The following FOXI3 variants were observed in gnomAD, a reference collection of about 807,000 sequenced individuals.
FOXI3 encodes forkhead box I3, also known as forkhead box protein I3.
Under a neutral mutation model 15.6 loss-of-function variants are expected in FOXI3, and 4 were observed. The ratio of observed to expected loss-of-function variants is 0.26; its 90% CI spans 0.13 to 0.59. FOXI3 has a LOEUF of 0.59. Among genes scored for constraint, FOXI3 ranks in the 20% least tolerant of loss-of-function variants. FOXI3 has a pLI of 0.90. For synonymous variants in FOXI3, 238 were observed against 244.4 expected, an observed-to-expected ratio of 0.97 and a Z score of 0.25; for missense variants, 489 against 548.2, an observed-to-expected ratio of 0.89 and a Z score of 1.08.
Position 88,452,541 on chromosome 2 carries a change from C to A in FOXI3, c.-6G>T, listed in dbSNP as rs1274495771. 2.8e-6 allele frequency: 3 copies of A among 1,085,930 alleles called. No homozygotes were observed. The highest frequency in any genetic ancestry group is 5.3e-5 in the Admixed American group (1 of 18,882). 67.3% of individuals were successfully genotyped at this position (1,085,930 alleles called of 1,614,324 possible). On this transcript the variant is annotated 5_prime_UTR_variant, in exon 1 of 2. Coordinates refer to ENST00000428390, the MANE Select transcript of FOXI3 (RefSeq NM_001135649.3). ...TCGCCGCAGTAGAGGGCCATGTCGGCGGCCGTGGGCGGCTGCGGCGCGGCC... is the reference window on the plus strand; with the variant it reads ...TCGCCGCAGTAGAGGGCCATGTCGGAGGCCGTGGGCGGCTGCGGCGCGGCC...
At position 88,452,046 on chromosome 2, in the gene FOXI3, G is replaced by A. The variant is rs745690703; in HGVS notation, c.490C>T (p.Arg164Cys). 2.5e-6 allele frequency: 4 copies of A among 1,591,810 alleles called. No individual in the cohort carries two copies. The highest frequency in any genetic ancestry group is 2.7e-5 in the African/African-American group (2 of 74,306). The change falls in exon 1 of 2, where the codon CGC becomes TGC. Residue 164 changes from arginine (R) to cysteine (C), a missense_variant. Around this residue, in one of 3 missense-constraint regions of FOXI3, gnomAD observed 224 missense variants for 245.7 expected, o/e 0.91. Transcript: ENST00000428390. ...IAMAIQSAPE[R>C]KLTLSHIYQF... Reference sequence around the variant, plus strand: ...TAGATGTGGCTGAGAGTGAGTTTGCGCTCGGGCGCGCTCTGAATGGCCATG... The same window carrying A: ...TAGATGTGGCTGAGAGTGAGTTTGCACTCGGGCGCGCTCTGAATGGCCATG...
intron 1 of FOXI3, 73 bp from the exon 2 acceptor site, chr2:88,448,902 G>C: frequency 2.1e-6 from 3 of 1,451,998 alleles, no homozygotes; most frequent in Non-Finnish European, 2.8e-6. Context: ...ATTTCTGGGA[G>C]GAGAGCAGAC....
Position 88,447,212 on chromosome 2 carries a change from G to A in FOXI3, c.*995C>T, listed in dbSNP as rs957967387. The A allele has an allele frequency of 2.0e-5, 3 of 152,184 alleles. No homozygotes were observed. Among genetic ancestry groups the A allele is most frequent in the Admixed American group, 6.5e-5 (1 of 15,276 alleles). 9.4% of individuals were successfully genotyped at this position (152,184 alleles called of 1,614,324 possible). A position where few individuals can be genotyped will look rare whatever the true frequency, so the allele number is the denominator to read the frequency against. ...GCCGAGAACAGTGCCTGGCACACAA[G>A]GCTGCTTGTGCCATTTTATTGCCAT... On this transcript the variant is annotated 3_prime_UTR_variant, in exon 2 of 2. Coordinates refer to ENST00000428390, the MANE Select transcript of FOXI3 (RefSeq NM_001135649.3).
rs979497342 is a variant in FOXI3, at chr2:88,448,501, A to G, written c.969T>C (p.Ser323=). 6.4e-7 allele frequency: 1 copy of G among 1,551,486 alleles called. No individual in the cohort carries two copies. The change falls in exon 2 of 2, where the codon AGT becomes AGC. Residue 323 remains serine, a synonymous_variant. Transcript: ENST00000428390. ...NTFFSSLSSL[S]VSSSVSTQRA... is the part of the protein sequence containing the mutation. Reference sequence around the variant, plus strand: ...GCTGGGTACTCACACTGCTGCTGACACTCAAGGAGCTGAGGCTGCTGAAGA... The same window carrying G: ...GCTGGGTACTCACACTGCTGCTGACGCTCAAGGAGCTGAGGCTGCTGAAGA...
In FOXI3 at chr2:88,452,236, G is replaced by T; in HGVS notation, c.300C>A (p.Gly100=). 1 of 1,073,426 alleles carries T rather than the reference G, an allele frequency of 9.3e-7. No homozygotes were observed. Among genetic ancestry groups the T allele is most frequent in the Non-Finnish European group, 1.1e-6 (1 of 889,644 alleles). 66.5% of individuals were successfully genotyped at this position (1,073,426 alleles called of 1,614,324 possible). ...AGGGCCGCTGAGAGCAGCCGAAGGT[G>T]CCGGCGGCAGGCGGTGGCTGCAGAA... ...GPFLQPPPAA[G]TFGCSQRPFA... is the part of the protein sequence containing the mutation. The change falls in exon 1 of 2, where the codon GGC becomes GGA. Residue 100 remains glycine (G), a synonymous_variant. Coordinates refer to ENST00000428390, the MANE Select transcript of FOXI3 (RefSeq NM_001135649.3).
chr2:88,452,571 C>T lies in FOXI3; in HGVS notation c.-36G>A. On this transcript the variant is annotated 5_prime_UTR_variant, in exon 1 of 2. Transcript: ENST00000428390. ...GTGGGCGGCTGCGGCGCGGCCGCGG[C>T]GAGGGGCGAGCGGGGCTGGTCTCGC... 2 of 1,063,384 alleles carry T rather than the reference C, an allele frequency of 1.9e-6. No individual in the cohort carries two copies. Among genetic ancestry groups the T allele is most frequent in the Non-Finnish European group, 1.1e-6 (1 of 879,824 alleles). The allele number at this position is 1,063,384 out of a possible 1,614,324, so 65.9% of individuals were successfully genotyped here. A position where few individuals can be genotyped will look rare whatever the true frequency, so the allele number is the denominator to read the frequency against.
In FOXI3 at chr2:88,448,303, G is replaced by A. The variant is rs760031328; in HGVS notation, c.1167C>T (p.Ser389=). The change falls in exon 2 of 2, where the codon AGC becomes AGT. Residue 389 remains serine, a synonymous_variant. Transcript: ENST00000428390. The stretch of plus-strand genomic sequence containing the variant: ...AGGGGCTGCTTTGCCCCCCGCTGGT[G>A]CTGGCAGGGAAAGGGCTGTAATAGG... ...RSSYYSPFPA[S]TSGGQSSPFS... 8.4e-6 allele frequency: 13 copies of A among 1,551,706 alleles called. No homozygotes were observed. In the South Asian group the frequency reaches 1.3e-4, roughly 16 times the overall value.
At chr2:88,449,628 C>G (rs994667757) in intron 1 of FOXI3, among the ~76,000 whole-genome samples, 3 of 152,190 alleles carry the variant, frequency 2.0e-5, no homozygotes, top group African/African-American at 7.2e-5. Context: ...CCTCATTTTT[C>G]TGCATGTAAT....
chr2:88,448,290 G>GC lies in FOXI3; in HGVS notation c.1179dup (p.Gln394AlafsTer13). On this transcript the variant is annotated frameshift_variant, in exon 2 of 2. Transcript: ENST00000428390. LOFTEE classifies it high-confidence loss of function. ...AAAGGGCTGCTGAAGGGGCTGCTTT[G>GC]CCCCCCGCTGGTGCTGGCAGGGAAA... 2.6e-6 allele frequency: 4 copies of GC among 1,551,638 alleles called. No homozygotes were observed. Among genetic ancestry groups the GC allele is most frequent in the Non-Finnish European group, 1.7e-6 (2 of 1,146,982 alleles).
rs1449619637 is a variant in FOXI3, at chr2:88,452,527, G to C, written c.9C>G (p.Leu3=). 1 of 1,088,694 alleles carries C rather than the reference G, an allele frequency of 9.2e-7. No individual in the cohort carries two copies. The highest frequency in any genetic ancestry group is 1.1e-6 in the Non-Finnish European group (1 of 896,920). The allele number at this position is 1,088,694 out of a possible 1,614,324, so 67.4% of individuals were successfully genotyped here. ...ACACTCCGAAGTTGTCGCCGCAGTA[G>C]AGGGCCATGTCGGCGGCCGTGGGCG... MA[L]YCGDNFGVYS... Residue 3 remains leucine, a synonymous_variant, in exon 1 of 2, where the codon CTC becomes CTG. Transcript: ENST00000428390.
intron 1 of FOXI3, among the ~76,000 whole-genome samples, chr2:88,449,339 C>A (rs1030609975): frequency 6.6e-6 from 1 of 152,072 alleles, no homozygotes; most frequent in African/African-American, 2.4e-5. Context: ...GTAGCTGGCA[C>A]AGAGTAAGCA....
intron 1 of FOXI3, among the ~76,000 whole-genome samples, chr2:88,449,046 G>C (rs1302043163): frequency 6.6e-6 from 1 of 152,076 alleles, no homozygotes; most frequent in Non-Finnish European, 1.5e-5. Context: ...CCTCCTCCTG[G>C]TGGTGTCTAC....
In FOXI3 at chr2:88,448,847, A is replaced by G. The variant is rs371562127; in HGVS notation, c.641-18T>C. On this transcript the variant is annotated intron_variant, in intron 1 of 1. Coordinates refer to ENST00000428390, the MANE Select transcript of FOXI3 (RefSeq NM_001135649.3). ...ACCCTTTCCTGAGAAGATGAGAAAGACCAAGTTAGAGAAGGACCTATTCAA... is the reference window on the plus strand; with the variant it reads ...ACCCTTTCCTGAGAAGATGAGAAAGGCCAAGTTAGAGAAGGACCTATTCAA... 1.9e-6 allele frequency: 3 copies of G among 1,538,642 alleles called. No individual in the cohort carries two copies. The highest frequency in any genetic ancestry group is 2.6e-6 in the Non-Finnish European group (3 of 1,139,978).
chr2:88,452,632 T>C lies in FOXI3; in HGVS notation c.-97A>G. The C allele has an allele frequency of 2.6e-6, 2 of 777,112 alleles. No individual in the cohort carries two copies. Among genetic ancestry groups the C allele is most frequent in the Non-Finnish European group, 3.2e-6 (2 of 628,634 alleles). 48.1% of individuals were successfully genotyped at this position (777,112 alleles called of 1,614,324 possible). Reference sequence around the variant, plus strand: ...AGAGCATCCCTTTGGGGGCCAACCCTGCGGCTCCGCCTTCACCCGCGCTGG... The same window carrying C: ...AGAGCATCCCTTTGGGGGCCAACCCCGCGGCTCCGCCTTCACCCGCGCTGG... On this transcript the variant is annotated 5_prime_UTR_variant, in exon 1 of 2. Transcript: ENST00000428390.
rs867949447 is a variant in FOXI3, at chr2:88,452,360, G to T, written c.176C>A (p.Pro59His). 1.6e-5 allele frequency: 16 copies of T among 985,930 alleles called. No individual in the cohort carries two copies. The highest frequency in any genetic ancestry group is 4.5e-5 in the South Asian group (1 of 22,146). 61.1% of individuals were successfully genotyped at this position (985,930 alleles called of 1,614,324 possible). Residue 59 changes from proline to histidine, a missense_variant, in exon 1 of 2, where the codon CCC becomes CAC. Pro to His is a moderately conservative substitution (Grantham distance 77). Coordinates refer to ENST00000428390, the MANE Select transcript of FOXI3 (RefSeq NM_001135649.3). ...GGCGGAGGGCGGGCCTCCCACGCCG[G>T]GCCCGTTGAGCCACAGGTAGGGGTT... ...AANPYLWLNG[P>H]GVGGPPSAAA...
chr2:88,450,195 C>T (rs1676017664), intron 1 of FOXI3, among the ~76,000 whole-genome samples: 1 of 152,018 alleles, frequency 6.6e-6, no homozygotes, highest in Non-Finnish European at 1.5e-5. Context: ...CTTTGGGAGG[C>T]CGAAACGGGT....
chr2:88,452,578 C>T lies in FOXI3; in HGVS notation c.-43G>A, dbSNP rs1410885397. 8 of 1,052,846 alleles carry T rather than the reference C, an allele frequency of 7.6e-6. No individual in the cohort carries two copies. Among genetic ancestry groups the T allele is most frequent in the Non-Finnish European group, 8.0e-6 (7 of 871,932 alleles). 65.2% of individuals were successfully genotyped at this position (1,052,846 alleles called of 1,614,324 possible). A position where few individuals can be genotyped will look rare whatever the true frequency, so the allele number is the denominator to read the frequency against. On this transcript the variant is annotated 5_prime_UTR_variant, in exon 1 of 2. Transcript: ENST00000428390. ...GCTGCGGCGCGGCCGCGGCGAGGGG[C>T]GAGCGGGGCTGGTCTCGCCGCTCGG...
intron 1 of FOXI3, 143 bp from the exon 2 acceptor site, chr2:88,448,972 C>T (rs1675996870): frequency 1.6e-5 from 17 of 1,077,522 alleles, no homozygotes; most frequent in East Asian, 5.2e-5. Context: ...AATCCTCTTT[C>T]GGGGAAAATG....
At position 88,448,497 on chromosome 2, in the gene FOXI3, T is replaced by G. The variant is rs1256040262; in HGVS notation, c.973A>C (p.Ser325Arg). 2.6e-6 allele frequency: 4 copies of G among 1,551,714 alleles called. No individual in the cohort carries two copies. Among genetic ancestry groups the G allele is most frequent in the Non-Finnish European group, 2.6e-6 (3 of 1,146,994 alleles). ...GCCCGCTGGGTACTCACACTGCTGC[T>G]GACACTCAAGGAGCTGAGGCTGCTG... is the stretch of plus-strand genomic sequence containing the variant. ...FFSSLSSLSVSSSVSTQRALP... is the reference protein window; with the variant it reads ...FFSSLSSLSVRSSVSTQRALP... Residue 325 changes from serine (S) to arginine (R), a missense_variant, in exon 2 of 2, where the codon AGC becomes CGC. Around this residue, in one of 3 missense-constraint regions of FOXI3, gnomAD observed 263 missense variants for 285.5 expected, o/e 0.92. Transcript: ENST00000428390.
Sources: allele counts gnomAD v4.1 joint callset (sites outside exome capture counted in the v4.1 genomes callset), GRCh38; gene constraint gnomAD v4.1.1; regional missense constraint gnomAD v4.1.1; transcripts MANE v1.5; gene names NCBI Gene and HGNC (gene_info 2026-07-23, HGNC 2026-07-21).